ROR1: variants seen among roughly 807,000 people sequenced by gnomAD.
The protein encoded by ROR1 is ROR family WNT receptor 1.
ROR1 carries 19 observed loss-of-function variants against 78.8 expected under a neutral mutation model. The observed-to-expected ratio is 0.24, with a 90% CI of 0.17 to 0.35. The LOEUF (loss-of-function observed/expected upper bound fraction) is 0.35, where lower values mean the gene tolerates loss of function less well. ROR1 is among the 10% of genes least tolerant of loss of function. The pLI is 1.00. For missense variants in ROR1, 917 were observed against 1,177.8 expected (o/e 0.78, Z 3.24); for synonymous variants, 386 against 433.6 (o/e 0.89, Z 1.36).
intron 7 of ROR1, among the ~76,000 whole-genome samples, chr1:64,146,213 C>T (rs538698399): frequency 6.6e-5 from 10 of 152,298 alleles, no homozygotes; most frequent in South Asian, 4.1e-4. Context: ...TGGTGGCTCA[C>T]GCCTGTAATC....
chr1:63,936,840 A>C (rs1645798065), intron 1 of ROR1, among the ~76,000 whole-genome samples: 1 of 152,210 alleles, frequency 6.6e-6, no homozygotes, highest in Non-Finnish European at 1.5e-5. Context: ...GCAAATGTAC[A>C]GTGGTGAATA....
chr1:63,967,927 G>GT (rs1441987935), intron 1 of ROR1, among the ~76,000 whole-genome samples: 2 of 152,260 alleles, frequency 1.3e-5, no homozygotes, highest in African/African-American at 4.8e-5. Flanking sequence ...TTTTACACAT[G>GT]TTTTTTATCC....
chr1:63,898,177 GC>G (rs1645455650), intron 1 of ROR1, among the ~76,000 whole-genome samples: 5 of 152,176 alleles, frequency 3.3e-5, no homozygotes, highest in Admixed American at 3.3e-4. Flanking sequence ...TGGACAAAAT[GC>G]CATTTGTTTT....
chr1:64,180,144 T>C lies in ROR1; in HGVS notation c.*1289T>C, dbSNP rs1166723148. The stretch of plus-strand genomic sequence containing the variant: ...AGTAACATGACCATTTTTGCCTTAG[T>C]GGGAGGTTTCAAATGTGCAGCTCAT... On this transcript the variant is annotated 3_prime_UTR_variant, in exon 9 of 9. Coordinates refer to ENST00000371079, the MANE Select transcript of ROR1 (RefSeq NM_005012.4). 1 of 152,230 alleles carries C rather than the reference T, an allele frequency of 6.6e-6. No homozygotes were observed. The highest frequency in any genetic ancestry group is 2.4e-5 in the African/African-American group (1 of 41,464). 9.4% of individuals were successfully genotyped at this position (152,230 alleles called of 1,614,324 possible).
intron 1 of ROR1, among the ~76,000 whole-genome samples, chr1:63,822,691 A>C (rs1035528682): frequency 6.6e-6 from 1 of 152,196 alleles, no homozygotes; most frequent in African/African-American, 2.4e-5. Context: ...CACTGTTCTC[A>C]AATCATCAAT....
chr1:63,990,866 A>T (rs1030008582), intron 1 of ROR1, among the ~76,000 whole-genome samples: 1 of 152,244 alleles, frequency 6.6e-6, no homozygotes, highest in Non-Finnish European at 1.5e-5. Context: ...TAGAGTACCC[A>T]GAATCCTCCT....
At chr1:63,794,334 C>T (rs945052669) in intron 1 of ROR1, among the ~76,000 whole-genome samples, 25 of 152,294 alleles carry the variant, frequency 1.6e-4, no homozygotes, top group African/African-American at 5.5e-4. Flanking sequence ...CATGGTGAGT[C>T]GTCCATCAAC....
chr1:63,878,778 G>A (rs1178464436), intron 1 of ROR1, among the ~76,000 whole-genome samples: 1 of 151,910 alleles, frequency 6.6e-6, no homozygotes. Context: ...GTACTGTGAG[G>A]CCTTTTCACA....
chr1:64,067,888 A>G lies in ROR1; in HGVS notation c.482+17172A>G, dbSNP rs1232465267. On this transcript the variant is annotated intron_variant, in intron 4 of 8. Transcript: ENST00000371079. ...CCACCGCGCCCGGGTAATTTTTTGT[A>G]TTTTTAGTAGAGACGGGGTTTCACT... Among the ~76,000 whole-genome samples the G allele has an allele frequency of 3.3e-5, 5 of 151,688 alleles. No homozygotes were observed. The South Asian group carries it at 8.3e-4, about 25-fold the overall frequency.
intron 1 of ROR1, among the ~76,000 whole-genome samples, chr1:63,848,094 T>G (rs1334330730): frequency 1.3e-5 from 2 of 152,232 alleles, no homozygotes; most frequent in Non-Finnish European, 1.5e-5. Context: ...CGGATTGATT[T>G]ATTTCTGTGA....
chr1:63,926,443 G>A (rs1645704701), intron 1 of ROR1, among the ~76,000 whole-genome samples: 1 of 152,194 alleles, frequency 6.6e-6, no homozygotes, highest in Admixed American at 6.5e-5. Flanking sequence ...CAGGTAGTGT[G>A]ATGCCTCCAG....
At chr1:64,088,212 A>C (rs997837872) in intron 4 of ROR1, among the ~76,000 whole-genome samples, 1 of 152,204 alleles carries the variant, frequency 6.6e-6, no homozygotes, top group Non-Finnish European at 1.5e-5. Flanking sequence ...GAATAATCCA[A>C]AAAGGAAGAT....
At chr1:64,117,885 C>CTA (rs3084941) in intron 4 of ROR1, among the ~76,000 whole-genome samples, 46,238 of 152,076 alleles carry the variant, frequency 0.3, 7,449 homozygotes, top group African/African-American at 0.34. Flanking sequence ...GATCAGTTCA[C>CTA]GCATTTTGTC....
At chr1:64,071,299 G>A (rs900346842) in intron 4 of ROR1, among the ~76,000 whole-genome samples, 4 of 152,070 alleles carry the variant, frequency 2.6e-5, no homozygotes, top group Non-Finnish European at 5.9e-5. Context: ...GAGGGTGGAC[G>A]AGAGTATGAG....
At chr1:64,062,251 C>A (rs1557633321) in intron 4 of ROR1, among the ~76,000 whole-genome samples, 1 of 152,132 alleles carries the variant, frequency 6.6e-6, no homozygotes. Flanking sequence ...GGAGGCAGTG[C>A]AGTGGTGGAT....
chr1:63,883,142 T>G (rs1159676357), intron 1 of ROR1, among the ~76,000 whole-genome samples: 1 of 152,156 alleles, frequency 6.6e-6, no homozygotes, highest in Non-Finnish European at 1.5e-5. Flanking sequence ...GGTTAACACT[T>G]GTTGGAAAGA....
intron 1 of ROR1, among the ~76,000 whole-genome samples, chr1:63,780,068 C>G (rs374887133): frequency 4.3e-4 from 65 of 152,290 alleles, no homozygotes; most frequent in African/African-American, 1.4e-3. Context: ...AGGTTTTGTA[C>G]AGTCTTGATC....
chr1:63,803,926 G>A (rs1376663229), intron 1 of ROR1, among the ~76,000 whole-genome samples: 1 of 152,144 alleles, frequency 6.6e-6, no homozygotes, highest in East Asian at 1.9e-4. Context: ...AGGGAATTGT[G>A]CTGAGTGAAC....
intron 5 of ROR1, among the ~76,000 whole-genome samples, chr1:64,138,384 G>A (rs977260428): frequency 4.6e-5 from 7 of 152,012 alleles, no homozygotes; most frequent in South Asian, 4.1e-4. Context: ...AAATGTAACC[G>A]TTGTCTTTTT....
Sources: allele counts gnomAD v4.1 joint callset (sites outside exome capture counted in the v4.1 genomes callset), GRCh38; gene constraint gnomAD v4.1.1; transcripts MANE v1.5; gene names NCBI Gene and HGNC (gene_info 2026-07-23, HGNC 2026-07-21).